GBP5: variants seen among roughly 807,000 people sequenced by gnomAD.
The protein encoded by GBP5 is guanylate binding protein 5.
Under a neutral mutation model 58.2 loss-of-function variants are expected in GBP5, and 48 were observed. That is an observed-to-expected ratio of 0.83 (90% confidence interval 0.65 to 1.05). The LOEUF is 1.05. Ranked by LOEUF, GBP5 falls within the 50% of genes least tolerant of loss-of-function variation. GBP5 has a pLI of 0.00. For missense variants in GBP5, 714 were observed against 686.8 expected, an observed-to-expected ratio of 1.04 and a Z score of -0.44; for synonymous variants, 248 against 251.8, an observed-to-expected ratio of 0.98 and a Z score of 0.14.
Position 89,260,551 on chromosome 1 carries a change from T to C in GBP5, c.*153A>G, listed in dbSNP as rs560178145. On this transcript the variant is annotated 3_prime_UTR_variant, in exon 12 of 12. Coordinates refer to ENST00000370459, the MANE Select transcript of GBP5 (RefSeq NM_052942.5). ...CTACTGGGATGTACATTTTACCAGATACCAGCATCATAATCTTATAACTCT... is the reference window on the plus strand; with the variant it reads ...CTACTGGGATGTACATTTTACCAGACACCAGCATCATAATCTTATAACTCT... 3.5e-6 allele frequency: 2 copies of C among 577,018 alleles called. No homozygotes were observed. The highest frequency in any genetic ancestry group is 3.7e-5 in the African/African-American group (2 of 53,518). The allele number at this position is 577,018 out of a possible 1,614,324, so 35.7% of individuals were successfully genotyped here.
At chr1:89,271,029 A>G (rs1485490491) in intron 1 of GBP5, 167 bp from the exon 2 acceptor site, 1 of 152,210 alleles carries the variant, frequency 6.6e-6, no homozygotes, top group Non-Finnish European at 1.5e-5. Flanking sequence ...TAATAATAGT[A>G]TTTGACATGT....
Position 89,268,787 on chromosome 1 carries a change from T to A in GBP5, c.260A>T (p.Asn87Ile). The A allele has an allele frequency of 6.2e-7, 1 of 1,613,980 alleles. No homozygotes were observed. Among genetic ancestry groups the A allele is most frequent in the Non-Finnish European group, 8.5e-7 (1 of 1,179,938 alleles). Reference sequence around the variant, plus strand: ...CAGAACTAATGTGTGATTTGGCCAGTTGGGATGAGGCACACACCATATCCA... The same window carrying A: ...CAGAACTAATGTGTGATTTGGCCAGATGGGATGAGGCACACACCATATCCA... ...GIWIWCVPHP[N>I]WPNHTLVLLD... Residue 87 changes from asparagine (N) to isoleucine (I), a missense_variant, in exon 4 of 12, where the codon AAC becomes ATC. Physicochemically the swap from Asn to Ile is moderately radical, Grantham distance 149 (BLOSUM62 -3). Coordinates refer to ENST00000370459, the MANE Select transcript of GBP5 (RefSeq NM_052942.5).
At chr1:89,264,288 G>A (rs745775413) in intron 8 of GBP5, among the ~76,000 whole-genome samples, 1 of 152,170 alleles carries the variant, frequency 6.6e-6, no homozygotes, top group South Asian at 2.1e-4. Context: ...CAATGATAAA[G>A]TTCGAAGCAG....
rs546482689 is a variant in GBP5, at chr1:89,257,308, C to T, written c.*3396G>A. Among the ~76,000 whole-genome samples the T allele has an allele frequency of 4.7e-4, 72 of 152,204 alleles. No homozygotes were observed. The highest frequency in any genetic ancestry group is 1.3e-3 in the African/African-American group (54 of 41,516). ...CTTTATGAAGCCATCAGATCTCAGG[C>T]GACTTATTCACTATCATGAAAAAAG... On this transcript the variant is annotated 3_prime_UTR_variant, in exon 12 of 12. Transcript: ENST00000370459.
chr1:89,263,484 C>T (rs762000841), intron 9 of GBP5: 42 of 376,642 alleles, frequency 1.1e-4, no homozygotes, highest in Admixed American at 3.2e-4. Flanking sequence ...TTGATGGTCA[C>T]AAAGCAAGTC....
chr1:89,266,866 TAG>T, intron 6 of GBP5, 89 bp downstream of exon 6: 1 of 832,406 alleles, frequency 1.2e-6, no homozygotes, highest in African/African-American at 1.8e-5. Context: ...TATATATATA[TAG>T]AAAACCATAA....
rs1318514945 is a variant in GBP5, at chr1:89,258,547, C to T, written c.*2157G>A. ...CAAATCTAGAAATACTGCTGAGTAGCACCACATCCTATCTGATATGAAAAA... is the reference window on the plus strand; with the variant it reads ...CAAATCTAGAAATACTGCTGAGTAGTACCACATCCTATCTGATATGAAAAA... On this transcript the variant is annotated 3_prime_UTR_variant, in exon 12 of 12. Transcript: ENST00000370459. Among the ~76,000 whole-genome samples, 2 of 152,114 alleles carry T rather than the reference C, an allele frequency of 1.3e-5. No homozygotes were observed. The highest frequency in any genetic ancestry group is 4.8e-5 in the African/African-American group (2 of 41,418).
rs199813318 is a variant in GBP5, at chr1:89,266,516, C to T, written c.698G>A (p.Cys233Tyr). The T allele has an allele frequency of 1.2e-5, 20 of 1,613,988 alleles. No individual in the cohort carries two copies. In the East Asian group the frequency reaches 1.3e-4, roughly 11 times the overall value. Residue 233 changes from cysteine to tyrosine, a missense_variant, in exon 7 of 12, where the codon TGC (cysteine) becomes TAC (tyrosine). Physicochemically the swap from Cys to Tyr is radical, Grantham distance 194. Coordinates refer to ENST00000370459, the MANE Select transcript of GBP5 (RefSeq NM_052942.5). ...GTGAGCAGGTAAGTCAAAGATAAAG[C>T]ATTTCTTTTTTGGAAAGAACTTCTG... ...CIQKFFPKKK[C>Y]FIFDLPAHQK...
At position 89,260,638 on chromosome 1, in the gene GBP5, C is replaced by G. The variant is rs1164674045; in HGVS notation, c.*66G>C. 1.3e-5 allele frequency: 12 copies of G among 920,664 alleles called. No homozygotes were observed. The highest frequency in any genetic ancestry group is 2.1e-5 in the Non-Finnish European group (12 of 567,482). 57.0% of individuals were successfully genotyped at this position (920,664 alleles called of 1,614,324 possible). A position where few individuals can be genotyped will look rare whatever the true frequency, so the allele number is the denominator to read the frequency against. On this transcript the variant is annotated 3_prime_UTR_variant, in exon 12 of 12. Coordinates refer to ENST00000370459, the MANE Select transcript of GBP5 (RefSeq NM_052942.5). ...TAAATGTTGATTGTCCCAAGGTCTA[C>G]AGTTTCTTTTCTGTTGTGTCATCAG...
chr1:89,267,646 A>T (rs1259386938), intron 4 of GBP5, 120 bp from the exon 5 acceptor site: 3 of 652,634 alleles, frequency 4.6e-6, no homozygotes, highest in Non-Finnish European at 8.2e-6. Context: ...TAGAAATATT[A>T]ACTTTGAATA....
chr1:89,269,322 G>C (rs1364017709), intron 3 of GBP5, 44 bp downstream of exon 3: 3 of 1,583,524 alleles, frequency 1.9e-6, no homozygotes, highest in Non-Finnish European at 2.6e-6. Flanking sequence ...GTGACTGTGT[G>C]AATGGACAGA....
intron 9 of GBP5, chr1:89,263,001 C>T: frequency 2.5e-6 from 1 of 394,746 alleles, no homozygotes; most frequent in Non-Finnish European, 4.5e-6. Context: ...ACACCTGCTC[C>T]TGTCACAAGT....
At chr1:89,263,975 A>G (rs1447851148) in intron 8 of GBP5, 27 bp from the exon 9 acceptor site, 5 of 1,349,820 alleles carry the variant, frequency 3.7e-6, no homozygotes, top group Non-Finnish European at 5.3e-6. Context: ...ACCCATGGAA[A>G]AGATGTTAGC....
chr1:89,271,806 T>C (rs1650466682), intron 1 of GBP5: 1 of 152,158 alleles, frequency 6.6e-6, no homozygotes, highest in Admixed American at 6.5e-5. Context: ...AACTGTTAAA[T>C]TAGGTGATTC....
Position 89,267,443 on chromosome 1 carries a change from A to G in GBP5, c.402T>C (p.Ile134=), listed in dbSNP as rs1334541317. ...GCAGTAGGTCGATAGCACCCTGATC[A>G]ATTTTGTTCACAGTATTGTACACAA... is the stretch of plus-strand genomic sequence containing the variant. ...STFVYNTVNK[I]DQGAIDLLHN... Residue 134 remains isoleucine (I), a synonymous_variant, in exon 5 of 12, where the codon ATT becomes ATC. Coordinates refer to ENST00000370459, the MANE Select transcript of GBP5 (RefSeq NM_052942.5). 1 of 1,613,564 alleles carries G rather than the reference A, an allele frequency of 6.2e-7. No individual in the cohort carries two copies. Among genetic ancestry groups the G allele is most frequent in the South Asian group, 1.1e-5 (1 of 91,076 alleles).
chr1:89,270,717 C>G (rs1279483440), intron 2 of GBP5, 38 bp downstream of exon 2: 1 of 152,194 alleles, frequency 6.6e-6, no homozygotes, highest in Non-Finnish European at 1.5e-5. Context: ...TGGCAGGTCT[C>G]TTCTCATTCT....
At chr1:89,263,513 T>C (rs1650089847) in intron 9 of GBP5, 2 of 445,412 alleles carry the variant, frequency 4.5e-6, no homozygotes, top group South Asian at 3.8e-5. Flanking sequence ...ATGGTGATGG[T>C]TCAGTTTAAC....
chr1:89,266,644 AT>A, intron 6 of GBP5, 56 bp from the exon 7 acceptor site: 2 of 1,465,834 alleles, frequency 1.4e-6, no homozygotes, highest in Non-Finnish European at 1.9e-6. Flanking sequence ...ATTTTCATTT[AT>A]TTACCTTGAA....
intron 11 of GBP5, 121 bp from the exon 12 acceptor site, chr1:89,260,938 T>C (rs1477415722): frequency 9.0e-6 from 6 of 663,746 alleles, no homozygotes; most frequent in South Asian, 8.8e-5. Flanking sequence ...CTCTCTTCCA[T>C]TCACGTGCAT....
Sources: gnomAD v4.1 joint callset for allele counts (sites outside exome capture counted in the v4.1 genomes callset) on GRCh38, gnomAD v4.1.1 for gene constraint, MANE v1.5 for transcripts, NCBI Gene and HGNC (gene_info 2026-07-23, HGNC 2026-07-21) for gene names.